The following FNDC3A variants were observed in gnomAD, a reference collection of about 807,000 sequenced individuals.
The protein encoded by FNDC3A is fibronectin type-III domain-containing protein 3A.
Under a neutral mutation model 148.9 loss-of-function variants are expected in FNDC3A, and 32 were observed. The observed-to-expected ratio is 0.21, with a 90% confidence interval of 0.16 to 0.29. FNDC3A has a LOEUF of 0.29. Ranked by LOEUF, FNDC3A falls within the 10% of genes least tolerant of loss-of-function variation. The pLI, the probability that FNDC3A is intolerant of heterozygous loss-of-function variation, is 1.00. For synonymous variants in FNDC3A, 472 were observed against 473.6 expected, an observed-to-expected ratio of 1.00 and a Z score of 0.04; for missense variants, 1,191 against 1,452.8, an observed-to-expected ratio of 0.82 and a Z score of 2.93.
chr13:48,998,286 G>T (rs1478316973), intron 1 of FNDC3A, among the ~76,000 whole-genome samples: 1 of 152,126 alleles, frequency 6.6e-6, no homozygotes, highest in Non-Finnish European at 1.5e-5. Context: ...GCTTATTCAG[G>T]TTGAGCATCC....
intron 2 of FNDC3A, among the ~76,000 whole-genome samples, chr13:49,057,552 T>G (rs1487708886): frequency 6.6e-6 from 1 of 152,192 alleles, no homozygotes; most frequent in Non-Finnish European, 1.5e-5. Context: ...CCTTGCATTT[T>G]TGGTTGTTTT....
intron 4 of FNDC3A, among the ~76,000 whole-genome samples, chr13:49,118,231 C>A (rs1881091612): frequency 6.6e-6 from 1 of 152,174 alleles, no homozygotes; most frequent in East Asian, 1.9e-4. Context: ...GGGGCATCGC[C>A]TCACCCAGGA....
At chr13:49,031,508 A>G (rs1874118228) in intron 2 of FNDC3A, among the ~76,000 whole-genome samples, 1 of 152,182 alleles carries the variant, frequency 6.6e-6, no homozygotes, top group Admixed American at 6.5e-5. Flanking sequence ...GGTTTTGACA[A>G]AGGTGCCTAG....
intron 1 of FNDC3A, among the ~76,000 whole-genome samples, chr13:49,004,371 A>G (rs1422734148): frequency 2.6e-5 from 4 of 152,056 alleles, no homozygotes; most frequent in African/African-American, 9.7e-5. Context: ...CATACAATAA[A>G]CCAATTTATA....
chr13:49,183,149 T>C (rs949618363), intron 14 of FNDC3A, among the ~76,000 whole-genome samples: 1 of 152,204 alleles, frequency 6.6e-6, no homozygotes, highest in African/African-American at 2.4e-5. Flanking sequence ...TACTCATCTC[T>C]CCCTGAGCAG....
chr13:48,993,697 T>A (rs1180109389), intron 1 of FNDC3A, among the ~76,000 whole-genome samples: 4 of 152,174 alleles, frequency 2.6e-5, no homozygotes, highest in South Asian at 2.1e-4. Context: ...TTAAAAAAGA[T>A]CGCTAGAGGA....
chr13:49,018,021 G>A (rs1043874348), intron 2 of FNDC3A, among the ~76,000 whole-genome samples: 3 of 151,982 alleles, frequency 2.0e-5, no homozygotes, highest in East Asian at 1.9e-4. Flanking sequence ...CCTTCTCTCT[G>A]GCTGCCCTTA....
intron 3 of FNDC3A, among the ~76,000 whole-genome samples, chr13:49,108,090 T>C (rs1005049057): frequency 6.6e-6 from 1 of 152,162 alleles, no homozygotes; most frequent in African/African-American, 2.4e-5. Context: ...AGTTTGATAT[T>C]TCAAAGATGA....
At chr13:49,178,533 A>G in intron 13 of FNDC3A, 35 bp from the exon 14 acceptor site, 1 of 1,247,380 alleles carries the variant, frequency 8.0e-7, no homozygotes, top group South Asian at 1.3e-5. Context: ...CTATTGTTAG[A>G]CATCGAATGA....
rs1450152957 is a variant in FNDC3A at position 49,123,052 on chromosome 13, G to A, written c.253-8085G>A. On this transcript the variant is annotated intron_variant, in intron 4 of 25. Coordinates refer to ENST00000492622, the MANE Select transcript of FNDC3A (RefSeq NM_001079673.2). ...CCCATATAGCCAAAACAATCCTAAAGAAAAAGAACAGGGCTGGAGACATCA... is the reference window on the plus strand; with the variant it reads ...CCCATATAGCCAAAACAATCCTAAAAAAAAAGAACAGGGCTGGAGACATCA... 2.0e-5 allele frequency among the ~76,000 whole-genome samples: 3 copies of A among 151,966 alleles called. No individual in the cohort carries two copies. In the East Asian group the frequency reaches 5.8e-4, roughly 29 times the overall value.
intron 14 of FNDC3A, 117 bp from the exon 15 acceptor site, chr13:49,185,847 A>T (rs1397485036): frequency 9.9e-6 from 7 of 709,452 alleles, no homozygotes; most frequent in Non-Finnish European, 9.3e-6. Flanking sequence ...ATTCCAAGCT[A>T]AAAAAAATGT....
In FNDC3A at chr13:49,138,695, G is replaced by T. The variant is rs939579636; in HGVS notation, c.761-52G>T. On this transcript the variant is annotated intron_variant, in intron 6 of 25. Transcript: ENST00000492622. ...GAATACATATTTAGGGAGAAGAAGG[G>T]ATTGTATCTAAGTTCTTTTTTTTAA... 7.2e-5 allele frequency: 60 copies of T among 834,400 alleles called. No individual in the cohort carries two copies. The African/African-American group carries it at 8.4e-4, about 12-fold the overall frequency. The allele number at this position is 834,400 out of a possible 1,614,324, so 51.7% of individuals were successfully genotyped here.
At chr13:49,102,525 TA>T (rs752144639) in intron 3 of FNDC3A, among the ~76,000 whole-genome samples, 18 of 152,210 alleles carry the variant, frequency 1.2e-4, no homozygotes, top group Non-Finnish European at 2.5e-4. Context: ...TAAGAAAACT[TA>T]ACAAGACTTA....
rs80350864 is a variant in FNDC3A at position 49,202,183 on chromosome 13, G to A, written c.3154+217G>A. Among the ~76,000 whole-genome samples, 760 of 152,260 alleles carry A rather than the reference G, an allele frequency of 5.0e-3. 4 individuals are homozygous for A. Among genetic ancestry groups the A allele is most frequent in the Non-Finnish European group, 8.0e-3 (542 of 67,992 alleles). On this transcript the variant is annotated intron_variant, in intron 24 of 25. Coordinates refer to ENST00000492622, the MANE Select transcript of FNDC3A (RefSeq NM_001079673.2). ...CATATTCAGACAAGTACTGGCTTTT[G>A]TCACTGATGTTTTTAATAATGTAGC...
chr13:49,025,218 T>C (rs1349375561), intron 2 of FNDC3A, among the ~76,000 whole-genome samples: 2 of 152,208 alleles, frequency 1.3e-5, no homozygotes, highest in East Asian at 3.9e-4. Context: ...AGCACATGAG[T>C]GTGCCTGTGC....
intron 2 of FNDC3A, among the ~76,000 whole-genome samples, chr13:49,048,213 G>T (rs1032647622): frequency 6.6e-6 from 1 of 152,032 alleles, no homozygotes; most frequent in Non-Finnish European, 1.5e-5. Context: ...TTGAAATCGG[G>T]TAATGTGAAG....
intron 3 of FNDC3A, among the ~76,000 whole-genome samples, chr13:49,085,370 T>G (rs144013878): frequency 4.4e-4 from 67 of 152,324 alleles, no homozygotes; most frequent in African/African-American, 1.6e-3. Context: ...TAAATCCTTA[T>G]GCCCATAAGA....
At chr13:49,178,267 G>A (rs1885129822) in intron 13 of FNDC3A, among the ~76,000 whole-genome samples, 1 of 152,196 alleles carries the variant, frequency 6.6e-6, no homozygotes, top group Non-Finnish European at 1.5e-5. Flanking sequence ...TACTGATGGT[G>A]AAGTTACCAT....
intron 4 of FNDC3A, among the ~76,000 whole-genome samples, chr13:49,127,041 A>G (rs938926499): frequency 3.3e-5 from 5 of 152,130 alleles, no homozygotes; most frequent in Admixed American, 6.5e-5. Flanking sequence ...ATCTGCAGTT[A>G]TGTGCTCTGC....
Sources: gnomAD v4.1 joint callset for allele counts (sites outside exome capture counted in the v4.1 genomes callset) on GRCh38, gnomAD v4.1.1 for gene constraint, MANE v1.5 for transcripts, NCBI Gene and HGNC (gene_info 2026-07-23, HGNC 2026-07-21) for gene names.